The following CENPE variants were observed in gnomAD, a reference collection of about 807,000 sequenced individuals.
CENPE encodes centromere protein E.
CENPE carries 145 observed loss-of-function variants against 336.1 expected under a neutral mutation model. That is an observed-to-expected ratio of 0.43 (90% CI 0.38 to 0.50). CENPE has a LOEUF of 0.50. Ranked by LOEUF, CENPE falls within the 20% of genes least tolerant of loss-of-function variation. The probability of loss-of-function intolerance (pLI) is 0.00; values close to 1 mark genes in which losing one functional copy is unlikely to be tolerated. For missense variants in CENPE, 2,719 were observed against 3,023.3 expected (o/e 0.90, Z 2.36); for synonymous variants, 1,013 against 984.8 (o/e 1.03, Z -0.54).
chr4:103,167,246 G>A (rs1332338301), intron 16 of CENPE, among the ~76,000 whole-genome samples: 3 of 152,046 alleles, frequency 2.0e-5, no homozygotes, highest in Non-Finnish European at 4.4e-5. Context: ...GTAGGAAACT[G>A]CTGTGCTCTA....
At chr4:103,189,664 G>A (rs1196672768) in intron 8 of CENPE, among the ~76,000 whole-genome samples, 2 of 152,148 alleles carry the variant, frequency 1.3e-5, no homozygotes, top group Non-Finnish European at 2.9e-5. Context: ...AGCTATCTAT[G>A]ACAAACCCAC....
chr4:103,157,341 G>T (rs950920479), intron 24 of CENPE, among the ~76,000 whole-genome samples: 2 of 151,988 alleles, frequency 1.3e-5, no homozygotes, highest in African/African-American at 4.8e-5. Flanking sequence ...TAGAAGCAAC[G>T]CAAGTGTCCA....
chr4:103,122,356 A>C (rs531029450), intron 43 of CENPE, among the ~76,000 whole-genome samples: 9 of 152,338 alleles, frequency 5.9e-5, no homozygotes, highest in African/African-American at 2.2e-4. Flanking sequence ...TTAATAAGGT[A>C]ATTTGGTTAT....
chr4:103,163,306 T>C, intron 17 of CENPE, 50 bp from the exon 18 acceptor site: 1 of 1,528,740 alleles, frequency 6.5e-7, no homozygotes. Flanking sequence ...ATTTGAAGTC[T>C]AAGGGATTAA....
rs943060375 is a variant in CENPE, at chr4:103,159,093, TCTC to T, written c.2515_2517del (p.Glu839del). ...ACTATTTCCTGATTCATTCTCTCAT[TCTC>T]CTCAAGGACCATCTTATACTTTTGC... On this transcript the variant is annotated inframe_deletion, in exon 22 of 49. Coordinates refer to ENST00000265148, the MANE Select transcript of CENPE (RefSeq NM_001813.3). 5.9e-5 allele frequency: 93 copies of T among 1,576,764 alleles called. No homozygotes were observed. The highest frequency in any genetic ancestry group is 7.6e-5 in the Non-Finnish European group (89 of 1,167,728).
chr4:103,185,126 G>T (rs565808180), intron 9 of CENPE, among the ~76,000 whole-genome samples: 2 of 151,912 alleles, frequency 1.3e-5, no homozygotes, highest in Non-Finnish European at 2.9e-5. Flanking sequence ...CCAACATGGC[G>T]AAACTCTGTC....
chr4:103,120,007 G>A (rs1255302633), intron 44 of CENPE, 141 bp downstream of exon 44: 7 of 558,934 alleles, frequency 1.3e-5, no homozygotes, highest in Non-Finnish European at 1.9e-5. Context: ...AGCTGCTTCT[G>A]CTTGAGTACT....
At chr4:103,157,091 T>C (rs1754029990) in intron 24 of CENPE, among the ~76,000 whole-genome samples, 1 of 144,690 alleles carries the variant, frequency 6.9e-6, no homozygotes, top group African/African-American at 2.5e-5. Context: ...CAGAAAATAG[T>C]GTGTTGGCAA....
chr4:103,176,083 C>G (rs766894442), intron 14 of CENPE, 35 bp from the exon 15 acceptor site: 1 of 1,283,618 alleles, frequency 7.8e-7, no homozygotes. Flanking sequence ...TGTCCATGAA[C>G]ATGTTTACCA....
At chr4:103,164,852 T>C (rs1754771675) in intron 16 of CENPE, among the ~76,000 whole-genome samples, 1 of 152,168 alleles carries the variant, frequency 6.6e-6, no homozygotes, top group African/African-American at 2.4e-5. Flanking sequence ...TCTTTCACCT[T>C]TTCTTCCTTA....
At chr4:103,126,764 A>G (rs931697819) in intron 42 of CENPE, among the ~76,000 whole-genome samples, 3 of 152,192 alleles carry the variant, frequency 2.0e-5, no homozygotes, top group African/African-American at 7.2e-5. Flanking sequence ...AATGCTAGAG[A>G]TCAAAAATGC....
intron 8 of CENPE, among the ~76,000 whole-genome samples, chr4:103,186,297 T>C (rs1756762512): frequency 6.6e-6 from 1 of 152,220 alleles, no homozygotes; most frequent in South Asian, 2.1e-4. Context: ...ATTCTGTCCT[T>C]ATTCTTTATT....
At position 103,158,744 on chromosome 4, in the gene CENPE, T is replaced by A; in HGVS notation, c.2744A>T (p.Glu915Val). 6.2e-7 allele frequency: 1 copy of A among 1,613,250 alleles called. No individual in the cohort carries two copies. Among genetic ancestry groups the A allele is most frequent in the Non-Finnish European group, 8.5e-7 (1 of 1,179,500 alleles). Residue 915 changes from glutamate (E) to valine (V), a missense_variant, in exon 23 of 49, where the codon GAG becomes GTG. Glu to Val is a moderately radical substitution (Grantham distance 121). This residue lies in a region of CENPE where 2,437 missense variants were observed against 2,513.3 expected (regional missense o/e 0.97). Transcript: ENST00000265148. The stretch of plus-strand genomic sequence containing the variant: ...TTCTTCTAAAGTTTGCTGCAGTTTC[T>A]CAGTAATCAGTGTTTTCTCCCTTTC... The part of the protein sequence containing the change: ...TVEREKTLIT[E>V]KLQQTLEEVK...
chr4:103,111,465 T>TAATTA, intron 46 of CENPE, among the ~76,000 whole-genome samples: 4 of 152,238 alleles, frequency 2.6e-5, no homozygotes, highest in African/African-American at 9.6e-5. Context: ...AAATATATGT[T>TAATTA]ACAATAATAT....
At chr4:103,116,531 A>G in intron 45 of CENPE, 46 bp downstream of exon 45, 1 of 929,558 alleles carries the variant, frequency 1.1e-6, no homozygotes, top group Non-Finnish European at 1.6e-6. Context: ...GTTTAGGAAG[A>G]AAATTTAAGC....
At chr4:103,189,754 C>A (rs943446187) in intron 8 of CENPE, among the ~76,000 whole-genome samples, 2 of 152,168 alleles carry the variant, frequency 1.3e-5, no homozygotes, top group Non-Finnish European at 2.9e-5. Flanking sequence ...CCCTCTCTCA[C>A]CACTCCTATT....
At chr4:103,150,617 T>G (rs1294220338) in intron 26 of CENPE, among the ~76,000 whole-genome samples, 2 of 151,346 alleles carry the variant, frequency 1.3e-5, no homozygotes, top group African/African-American at 4.9e-5. Flanking sequence ...AAAGAAAAAA[T>G]ATTCCACAGA....
In CENPE at chr4:103,141,733, TC is replaced by T. The variant is rs1360776049; in HGVS notation, c.5463+16del. On this transcript the variant is annotated intron_variant, in intron 35 of 48. Coordinates refer to ENST00000265148, the MANE Select transcript of CENPE (RefSeq NM_001813.3). ...ACAAATTAGATATCCAATCAAACAATCCCCCCATAAAAATACCTTTTCTTGT... is the reference window on the plus strand; with the variant it reads ...ACAAATTAGATATCCAATCAAACAATCCCCCATAAAAATACCTTTTCTTGT... 1.1e-5 allele frequency: 17 copies of T among 1,485,050 alleles called. No homozygotes were observed. Among genetic ancestry groups the T allele is most frequent in the Admixed American group, 2.0e-5 (1 of 51,152 alleles). 92.0% of individuals were successfully genotyped at this position (1,485,050 alleles called of 1,614,324 possible).
At chr4:103,140,790 G>A in intron 36 of CENPE, 24 bp downstream of exon 36, 5 of 1,539,660 alleles carry the variant, frequency 3.2e-6, no homozygotes, top group Admixed American at 4.4e-5. Context: ...TATAATGGTA[G>A]GGTAAAGAGA....
Sources: allele counts gnomAD v4.1 joint callset (sites outside exome capture counted in the v4.1 genomes callset), GRCh38; gene constraint gnomAD v4.1.1; regional missense constraint gnomAD v4.1.1; transcripts MANE v1.5; gene names NCBI Gene and HGNC (gene_info 2026-07-23, HGNC 2026-07-21).